Variants in EBF3 observed in about 807,000 individuals in gnomAD.
EBF3 encodes EBF transcription factor 3.
In EBF3, 18 loss-of-function variants were observed where a neutral mutation model predicts 77.1. The observed-to-expected ratio is 0.23, with a 90% confidence interval of 0.16 to 0.35. The LOEUF is 0.35. Among genes scored for constraint, EBF3 ranks in the 10% least tolerant of loss-of-function variants. The probability of loss-of-function intolerance (pLI) is 1.00; values close to 1 mark genes in which losing one functional copy is unlikely to be tolerated. For missense variants in EBF3, 558 were observed against 860.0 expected, an observed-to-expected ratio of 0.65 and a Z score of 4.39; for synonymous variants, 350 against 343.5, an observed-to-expected ratio of 1.02 and a Z score of -0.21.
rs1850638257 is a variant in EBF3, at chr10:129,848,571, T to G, written c.1040-91A>C. The G allele has an allele frequency of 7.4e-7, 1 of 1,352,998 alleles. No homozygotes were observed. The highest frequency in any genetic ancestry group is 1.1e-6 in the Non-Finnish European group (1 of 943,266). The allele number at this position is 1,352,998 out of a possible 1,614,324, so 83.8% of individuals were successfully genotyped here. On this transcript the variant is annotated intron_variant, in intron 10 of 16. Transcript: ENST00000440978. This position sits in a 1 kb window ranked among gnomAD's most constrained non-coding sequence, Gnocchi z 4.4. ...GCACACTTACAAATAAATGTGTAGT[T>G]CTCCTGCTCTGATGCTCTCTAAGGC...
rs180794068 is a variant in EBF3 at position 129,943,991 on chromosome 10, C to T, written c.554+13267G>A. The stretch of plus-strand genomic sequence containing the variant: ...TCTCCCCAGACCTTCCCACCCTATG[C>T]GTGATTTCTGAGTTGATTAACATTT... On this transcript the variant is annotated intron_variant, in intron 6 of 16. Transcript: ENST00000440978. This position sits in a 1 kb window ranked among gnomAD's most constrained non-coding sequence, Gnocchi z 8.8. 4.3e-4 allele frequency among the ~76,000 whole-genome samples: 65 copies of T among 152,290 alleles called. No individual in the cohort carries two copies. Among genetic ancestry groups the T allele is most frequent in the Non-Finnish European group, 6.6e-4 (45 of 68,022 alleles).
intron 6 of EBF3, among the ~76,000 whole-genome samples, chr10:129,898,823 G>T (rs1854575221): frequency 6.6e-6 from 1 of 152,192 alleles, no homozygotes; most frequent in Non-Finnish European, 1.5e-5. Flanking sequence ...GCTCGCCGCT[G>T]CCCCTCCTCC....
chr10:129,915,791 G>C (rs186785140), intron 6 of EBF3, among the ~76,000 whole-genome samples: 1 of 152,142 alleles, frequency 6.6e-6, no homozygotes, highest in Non-Finnish European at 1.5e-5. Context: ...CTAGAAATTT[G>C]GGTTGCACTA....
chr10:129,908,448 G>A (rs761159103), intron 6 of EBF3, among the ~76,000 whole-genome samples: 1 of 152,146 alleles, frequency 6.6e-6, no homozygotes, highest in Admixed American at 6.5e-5. Flanking sequence ...GAACTACATG[G>A]GCCGTCCTGG....
At chr10:129,936,392 G>A (rs1193809387) in intron 6 of EBF3, among the ~76,000 whole-genome samples, 1 of 152,238 alleles carries the variant, frequency 6.6e-6, no homozygotes, top group Admixed American at 6.5e-5. Flanking sequence ...AGGCTGAGAG[G>A]ACAGAGCACA....
rs1441625144 is a variant in EBF3, at chr10:129,841,128, G to A, written c.1373-96C>T. 1 of 1,482,174 alleles carries A rather than the reference G, an allele frequency of 6.7e-7. No homozygotes were observed. Among genetic ancestry groups the A allele is most frequent in the Non-Finnish European group, 9.1e-7 (1 of 1,103,144 alleles). 91.8% of individuals were successfully genotyped at this position (1,482,174 alleles called of 1,614,324 possible). A position where few individuals can be genotyped will look rare whatever the true frequency, so the allele number is the denominator to read the frequency against. On this transcript the variant is annotated intron_variant, in intron 13 of 16. Coordinates refer to ENST00000440978, the MANE Select transcript of EBF3 (RefSeq NM_001375380.1). This position sits in a 1 kb window ranked among gnomAD's most constrained non-coding sequence, Gnocchi z 4.6. ...AGAATCTATATCATATATTAACATT[G>A]CTAATTGACCCTGTGCTTTCCACCT...
In EBF3 at chr10:129,935,353, T is replaced by C. The variant is rs1857287263; in HGVS notation, c.554+21905A>G. Among the ~76,000 whole-genome samples the C allele has an allele frequency of 6.6e-6, 1 of 152,032 alleles. No homozygotes were observed. Among genetic ancestry groups the C allele is most frequent in the Non-Finnish European group, 1.5e-5 (1 of 67,980 alleles). ...CAGGGTGGCCCTGCCTTCCCAGCTC[T>C]CCGGTGGGGAAGGTGGGATCCTGTC... is the stretch of plus-strand genomic sequence containing the variant. On this transcript the variant is annotated intron_variant, in intron 6 of 16. Coordinates refer to ENST00000440978, the MANE Select transcript of EBF3 (RefSeq NM_001375380.1). This position sits in a 1 kb window ranked among gnomAD's most constrained non-coding sequence, Gnocchi z 4.2.
chr10:129,900,620 T>C (rs1172383521), intron 6 of EBF3, among the ~76,000 whole-genome samples: 2 of 152,258 alleles, frequency 1.3e-5, no homozygotes, highest in Non-Finnish European at 2.9e-5. Context: ...TTCTCCTCAC[T>C]TTGAGGAAAT....
intron 6 of EBF3, among the ~76,000 whole-genome samples, chr10:129,926,250 G>A (rs1340886797): frequency 6.6e-6 from 1 of 152,182 alleles, no homozygotes; most frequent in Non-Finnish European, 1.5e-5. Flanking sequence ...CGAGAATGGC[G>A]GAACGCACAC....
intron 6 of EBF3, among the ~76,000 whole-genome samples, chr10:129,929,917 G>C (rs1292010630): frequency 6.6e-6 from 1 of 152,208 alleles, no homozygotes; most frequent in Non-Finnish European, 1.5e-5. Flanking sequence ...TGTTTCCAGA[G>C]GAGCTTGGGG....
intron 6 of EBF3, among the ~76,000 whole-genome samples, chr10:129,908,354 A>C (rs1306746887): frequency 6.6e-6 from 1 of 152,250 alleles, no homozygotes; most frequent in Non-Finnish European, 1.5e-5. Flanking sequence ...GGCATTCCGC[A>C]TGTAAATATT....
At chr10:129,908,446 T>C (rs564328230) in intron 6 of EBF3, among the ~76,000 whole-genome samples, 1 of 152,308 alleles carries the variant, frequency 6.6e-6, no homozygotes, top group African/African-American at 2.4e-5. Context: ...CAGAACTACA[T>C]GGGCCGTCCT....
At chr10:129,855,201 T>G (rs1851170126) in intron 10 of EBF3, among the ~76,000 whole-genome samples, 2 of 152,134 alleles carry the variant, frequency 1.3e-5, no homozygotes, top group Non-Finnish European at 2.9e-5. Flanking sequence ...GCCGCCTCCT[T>G]CGTATCGGGA....
intron 16 of EBF3, 100 bp downstream of exon 16, chr10:129,838,983 G>A (rs889822867): frequency 7.8e-6 from 9 of 1,152,632 alleles, no homozygotes; most frequent in African/African-American, 1.6e-5. Context: ...TGTGGTGCCC[G>A]CTGATGGCAC....
At chr10:129,959,585 C>A (rs978780978) in intron 4 of EBF3, among the ~76,000 whole-genome samples, 1 of 151,930 alleles carries the variant, frequency 6.6e-6, no homozygotes, top group African/African-American at 2.4e-5. Flanking sequence ...AAGTCTGGCG[C>A]CCCGCGGCTT....
At chr10:129,925,672 A>G (rs1041338343) in intron 6 of EBF3, among the ~76,000 whole-genome samples, 4 of 152,234 alleles carry the variant, frequency 2.6e-5, no homozygotes, top group African/African-American at 9.6e-5. Context: ...TAATGCACTG[A>G]ACTATATACT....
At chr10:129,960,603 G>C (rs957345044) in intron 4 of EBF3, among the ~76,000 whole-genome samples, 1 of 145,812 alleles carries the variant, frequency 6.9e-6, no homozygotes, top group Middle Eastern at 3.4e-3. Flanking sequence ...TTGACTCTTT[G>C]ATCAGTTACT....
rs1054783356 is a variant in EBF3 at position 129,841,347 on chromosome 10, C to G, written c.1373-315G>C. 3.9e-5 allele frequency among the ~76,000 whole-genome samples: 6 copies of G among 152,180 alleles called. No individual in the cohort carries two copies. Among genetic ancestry groups the G allele is most frequent in the Non-Finnish European group, 7.3e-5 (5 of 68,044 alleles). On this transcript the variant is annotated intron_variant, in intron 13 of 16. Coordinates refer to ENST00000440978, the MANE Select transcript of EBF3 (RefSeq NM_001375380.1). The surrounding 1 kb of genome is among the most constrained non-coding windows in gnomAD (Gnocchi z 4.6). ...CTTGGATTCCTGGTCTGTCCCCCCA[C>G]GCTCTGTGAACTTTCGGCCTCTGTA...
intron 5 of EBF3, 55 bp from the exon 6 acceptor site, chr10:129,957,381 G>A (rs1042540565): frequency 8.5e-6 from 12 of 1,416,684 alleles, no homozygotes; most frequent in East Asian, 2.4e-5. Flanking sequence ...TTTTATGCCC[G>A]ACTTGTATTT....
Sources: allele counts gnomAD v4.1 joint callset (sites outside exome capture counted in the v4.1 genomes callset), GRCh38; gene constraint gnomAD v4.1.1; non-coding constraint Gnocchi (gnomAD v3.1); transcripts MANE v1.5; gene names NCBI Gene and HGNC (gene_info 2026-07-23, HGNC 2026-07-21).